DIS3L2: variants seen among roughly 807,000 people sequenced by gnomAD.
DIS3L2 encodes DIS3 like 3'-5' exoribonuclease 2.
Under a neutral mutation model 97.5 loss-of-function variants are expected in DIS3L2, and 34 were observed. The ratio of observed to expected loss-of-function variants is 0.35; its 90% confidence interval spans 0.27 to 0.46. DIS3L2 has a LOEUF of 0.46. DIS3L2 is among the 20% of genes least tolerant of loss of function. The pLI is 1.00. For missense variants in DIS3L2, 1,038 were observed against 1,146.0 expected (o/e 0.91, Z 1.36); for synonymous variants, 435 against 445.2 (o/e 0.98, Z 0.29).
intron 5 of DIS3L2, among the ~76,000 whole-genome samples, chr2:232,086,611 G>GTATATATATACACATATATATA (rs1445271893): frequency 2.8e-4 from 16 of 58,070 alleles, no homozygotes; most frequent in Non-Finnish European, 7.9e-5. Context: ...ATGTGTGTGT[G>GTATATATATACACATATATATA]TGTATATATA....
chr2:232,235,346 T>C (rs1050220830), intron 10 of DIS3L2, among the ~76,000 whole-genome samples: 2 of 152,232 alleles, frequency 1.3e-5, no homozygotes, highest in Admixed American at 6.5e-5. Context: ...TAGTTTCTCT[T>C]TCATAGAATA....
intron 6 of DIS3L2, among the ~76,000 whole-genome samples, chr2:232,100,887 C>G (rs1034611332): frequency 1.3e-5 from 2 of 151,218 alleles, no homozygotes; most frequent in African/African-American, 2.4e-5. Context: ...TCATAGTAAG[C>G]TGTTTATTAT....
chr2:232,295,121 C>T (rs1252423992), intron 13 of DIS3L2, among the ~76,000 whole-genome samples: 1 of 152,190 alleles, frequency 6.6e-6, no homozygotes, highest in Non-Finnish European at 1.5e-5. Flanking sequence ...AAAAAATTAA[C>T]AGTGGGACAG....
intron 10 of DIS3L2, among the ~76,000 whole-genome samples, chr2:232,237,287 A>G (rs1261754453): frequency 2.6e-5 from 4 of 152,148 alleles, no homozygotes; most frequent in Non-Finnish European, 5.9e-5. Context: ...AGCCTTGGTC[A>G]CCTGACCAAC....
intron 14 of DIS3L2, among the ~76,000 whole-genome samples, chr2:232,320,670 G>A (rs948141521): frequency 2.6e-5 from 4 of 152,212 alleles, no homozygotes; most frequent in African/African-American, 9.7e-5. Context: ...CTAGGGGGCT[G>A]TGCTTCCACC....
At chr2:232,008,332 T>C (rs1445479316) in intron 1 of DIS3L2, among the ~76,000 whole-genome samples, 1 of 151,986 alleles carries the variant, frequency 6.6e-6, no homozygotes, top group Non-Finnish European at 1.5e-5. Context: ...CTGGCCAAAT[T>C]TTCTCTTTTT....
chr2:232,165,179 G>A (rs181755862), intron 9 of DIS3L2, among the ~76,000 whole-genome samples: 79 of 152,330 alleles, frequency 5.2e-4, no homozygotes, highest in Non-Finnish European at 1.1e-3. Flanking sequence ...TTAGTAACCT[G>A]TGTTATGTCA....
At chr2:232,138,401 C>T (rs1698419778) in intron 8 of DIS3L2, among the ~76,000 whole-genome samples, 1 of 152,124 alleles carries the variant, frequency 6.6e-6, no homozygotes, top group South Asian at 2.1e-4. Flanking sequence ...TGCTTTTTCT[C>T]TACCTTCTTA....
intron 5 of DIS3L2, among the ~76,000 whole-genome samples, chr2:232,036,276 A>G (rs1694946168): frequency 6.6e-6 from 1 of 152,146 alleles, no homozygotes; most frequent in Non-Finnish European, 1.5e-5. Context: ...GTTGATCTTC[A>G]GTCCCTGATA....
At chr2:232,335,665 C>A in intron 19 of DIS3L2, 108 bp from the exon 20 acceptor site, 3 of 1,285,582 alleles carry the variant, frequency 2.3e-6, no homozygotes, top group South Asian at 1.4e-5. Context: ...CAAGGGTGGG[C>A]CAGGGCCGAG....
chr2:232,138,632 G>C (rs1355714026), intron 8 of DIS3L2, among the ~76,000 whole-genome samples: 1 of 152,224 alleles, frequency 6.6e-6, no homozygotes, highest in Non-Finnish European at 1.5e-5. Flanking sequence ...AAGAACTGAG[G>C]TCACTTTTTC....
At chr2:232,320,006 G>A (rs1255809504) in intron 14 of DIS3L2, among the ~76,000 whole-genome samples, 4 of 152,220 alleles carry the variant, frequency 2.6e-5, no homozygotes, top group Non-Finnish European at 4.4e-5. Context: ...GCACTCAGCA[G>A]TCTTTGGTTG....
intron 1 of DIS3L2, among the ~76,000 whole-genome samples, chr2:231,973,992 A>T (rs1401559928): frequency 6.6e-6 from 1 of 152,220 alleles, no homozygotes; most frequent in Non-Finnish European, 1.5e-5. Flanking sequence ...TCATCTCTAC[A>T]GTAAATAAAA....
chr2:232,106,337 T>C (rs1697357032), intron 6 of DIS3L2, among the ~76,000 whole-genome samples: 1 of 152,146 alleles, frequency 6.6e-6, no homozygotes, highest in African/African-American at 2.4e-5. Context: ...TAATACTGAA[T>C]GAAAATGGTA....
At chr2:232,108,014 C>T (rs1216272928) in intron 6 of DIS3L2, among the ~76,000 whole-genome samples, 1 of 152,092 alleles carries the variant, frequency 6.6e-6, no homozygotes, top group Non-Finnish European at 1.5e-5. Flanking sequence ...AAAGGGGACC[C>T]CTCCCTAACT....
chr2:232,010,386 G>A (rs900907134), intron 1 of DIS3L2, among the ~76,000 whole-genome samples: 1 of 151,894 alleles, frequency 6.6e-6, no homozygotes, highest in Admixed American at 6.6e-5. Flanking sequence ...AAGTAGGGAT[G>A]TATTGGTTAT....
Position 232,122,610 on chromosome 2 carries a change from C to G in DIS3L2, c.602-8009C>G, listed in dbSNP as rs150379802. Among the ~76,000 whole-genome samples, 4 of 152,086 alleles carry G rather than the reference C, an allele frequency of 2.6e-5. No homozygotes were observed. The East Asian group carries it at 7.7e-4, about 29-fold the overall frequency. On this transcript the variant is annotated intron_variant, in intron 6 of 20. Coordinates refer to ENST00000325385, the MANE Select transcript of DIS3L2 (RefSeq NM_152383.5). ...GCAGGTGCCTGTAATCCCAGCTACT[C>G]GGGAGGCTGAGGCAGGAGAATCACT...
intron 3 of DIS3L2, among the ~76,000 whole-genome samples, chr2:232,016,871 G>GA (rs1389440086): frequency 6.6e-6 from 1 of 151,736 alleles, no homozygotes; most frequent in Non-Finnish European, 1.5e-5. Flanking sequence ...CCAATTTACA[G>GA]ATGCTGTCAT....
At chr2:232,264,236 C>T (rs184042972) in intron 13 of DIS3L2, among the ~76,000 whole-genome samples, 557 of 152,362 alleles carry the variant, frequency 3.7e-3, no homozygotes, top group Non-Finnish European at 3.9e-3. Flanking sequence ...CACTGCTCAC[C>T]TCCTGCTGTG....
Sources: allele counts gnomAD v4.1 joint callset (sites outside exome capture counted in the v4.1 genomes callset), GRCh38; gene constraint gnomAD v4.1.1; transcripts MANE v1.5; gene names NCBI Gene and HGNC (gene_info 2026-07-23, HGNC 2026-07-21).